The following CHST15 variants were observed in gnomAD, a reference collection of about 807,000 sequenced individuals.
CHST15 encodes B cell RAG associated protein (GALNAC4S-6ST).
CHST15 carries 30 observed loss-of-function variants against 53.6 expected under a neutral mutation model. That is an observed-to-expected ratio of 0.56 (90% CI 0.42 to 0.76). The LOEUF (loss-of-function observed/expected upper bound fraction) is 0.76. Among genes scored for constraint, CHST15 ranks in the 30% least tolerant of loss-of-function variants. The probability of loss-of-function intolerance (pLI) is 0.00; values close to 1 mark genes in which losing one functional copy is unlikely to be tolerated. For missense variants in CHST15, 627 were observed against 740.5 expected, an observed-to-expected ratio of 0.85 and a Z score of 1.78; for synonymous variants, 296 against 289.8, an observed-to-expected ratio of 1.02 and a Z score of -0.22.
intron 5 of CHST15, among the ~76,000 whole-genome samples, chr10:124,023,941 T>C (rs1421628008): frequency 6.6e-6 from 1 of 152,042 alleles, no homozygotes; most frequent in Non-Finnish European, 1.5e-5. Flanking sequence ...CCTCCCGGGT[T>C]CAAGCAATTC....
At chr10:124,067,825 C>T (rs1286300694) in intron 1 of CHST15, among the ~76,000 whole-genome samples, 1 of 152,114 alleles carries the variant, frequency 6.6e-6, no homozygotes, top group Non-Finnish European at 1.5e-5. Context: ...CCATGTTGGC[C>T]AGGCTGGTCT....
In CHST15 at chr10:124,063,016, C is replaced by T. The variant is rs113514828; in HGVS notation, c.-512-16292G>A. 4.3e-3 allele frequency among the ~76,000 whole-genome samples: 651 copies of T among 152,128 alleles called. 6 individuals carry two copies. The highest frequency in any genetic ancestry group is 0.015 in the African/African-American group (625 of 41,478). Reference sequence around the variant, plus strand: ...GAGCCCTTCTCCACCCTGATGTGGCCATGAAAACGCTGGTCCCACCAAGAC... The same window carrying T: ...GAGCCCTTCTCCACCCTGATGTGGCTATGAAAACGCTGGTCCCACCAAGAC... On this transcript the variant is annotated intron_variant, in intron 1 of 7. Coordinates refer to ENST00000435907, the MANE Select transcript of CHST15 (RefSeq NM_001270764.2).
chr10:124,071,724 A>G (rs1948920226), intron 1 of CHST15, among the ~76,000 whole-genome samples: 1 of 152,208 alleles, frequency 6.6e-6, no homozygotes, highest in Non-Finnish European at 1.5e-5. Flanking sequence ...CTGTATCTAG[A>G]TTTCATAAGA....
Position 124,008,385 on chromosome 10 carries a change from A to G in CHST15, c.*1764T>C, listed in dbSNP as rs1197248917. ...CGCGCACTGTACTGCAAATAAATAT[A>G]CACACACACTGAAGTGATCTCTCCC... On this transcript the variant is annotated 3_prime_UTR_variant, in exon 8 of 8. Coordinates refer to ENST00000435907, the MANE Select transcript of CHST15 (RefSeq NM_001270764.2). 2.0e-6 allele frequency: 2 copies of G among 1,006,454 alleles called. No individual in the cohort carries two copies. The highest frequency in any genetic ancestry group is 2.4e-6 in the Non-Finnish European group (2 of 844,202). 62.3% of individuals were successfully genotyped at this position (1,006,454 alleles called of 1,614,324 possible).
chr10:124,011,547 T>A, intron 7 of CHST15: 2 of 985,454 alleles, frequency 2.0e-6, no homozygotes, highest in Non-Finnish European at 2.4e-6. Context: ...CAGGAGGCGT[T>A]CTGGGAAGGA....
chr10:124,044,098 G>A (rs1188095645), intron 3 of CHST15, among the ~76,000 whole-genome samples: 1 of 142,908 alleles, frequency 7.0e-6, no homozygotes, highest in Non-Finnish European at 1.5e-5. Context: ...CACAGAGCAG[G>A]GAACGGCACA....
intron 1 of CHST15, among the ~76,000 whole-genome samples, chr10:124,071,980 G>A (rs1267433386): frequency 1.3e-5 from 2 of 152,190 alleles, no homozygotes; most frequent in Non-Finnish European, 2.9e-5. Context: ...CGCTCCTGGA[G>A]CGTGAGATCT....
intron 1 of CHST15, among the ~76,000 whole-genome samples, chr10:124,073,671 G>C (rs1025001463): frequency 2.0e-5 from 3 of 152,226 alleles, no homozygotes; most frequent in Non-Finnish European, 4.4e-5. Flanking sequence ...GCAACCATTC[G>C]ACAGGCGCAT....
At chr10:124,045,112 C>CAAAAAAAAAAAAAAAAAAAAAAAAAAAAA (rs758243657) in intron 2 of CHST15, among the ~76,000 whole-genome samples, 193 bp from the exon 3 acceptor site, 23 of 33,786 alleles carry the variant, frequency 6.8e-4, no homozygotes, top group Admixed American at 2.4e-3. Context: ...CGCCGCCCCA[C>CAAAAAAAAAAAAAAAAAAAAAAAAAAAAA]AAAAAAAAAA....
chr10:124,021,244 G>C lies in CHST15; in HGVS notation c.1347+12C>G, dbSNP rs566278902. 5.9e-5 allele frequency: 92 copies of C among 1,570,352 alleles called. 1 individual carries two copies. Among genetic ancestry groups the C allele is most frequent in the Non-Finnish European group, 6.8e-5 (78 of 1,150,018 alleles). On this transcript the variant is annotated intron_variant, in intron 6 of 7. Transcript: ENST00000435907. Reference sequence around the variant, plus strand: ...GGCCAGCTCGGGGGGTACGGGGGGGGGGGGTACACACAGGCATGGCGTTGT... The same window carrying C: ...GGCCAGCTCGGGGGGTACGGGGGGGCGGGGTACACACAGGCATGGCGTTGT...
chr10:124,038,756 C>A, intron 4 of CHST15, 85 bp from the exon 5 acceptor site: 2 of 1,410,868 alleles, frequency 1.4e-6, no homozygotes, highest in Admixed American at 1.8e-5. Flanking sequence ...CCACACCTGG[C>A]CCCGATGCCT....
intron 6 of CHST15, chr10:124,020,821 T>C (rs1946751199): frequency 5.9e-6 from 7 of 1,187,704 alleles, no homozygotes; most frequent in Non-Finnish European, 6.3e-6. Context: ...ACAGAAAATG[T>C]TTTTCAATTG....
At position 124,034,648 on chromosome 10, in the gene CHST15, A is replaced by ACCCCTAACAGGGACCCCGGCTCTAC. The variant is rs1439193613; in HGVS notation, c.1190+3842_1190+3866dup. On this transcript the variant is annotated intron_variant, in intron 5 of 7. Transcript: ENST00000435907. Reference sequence around the variant, plus strand: ...CACCCCTGATAGGTACCCTGGCTCCACCCCTAACAGGGACCCCGGCTCTAC... The same window carrying ACCCCTAACAGGGACCCCGGCTCTAC: ...CACCCCTGATAGGTACCCTGGCTCCACCCCTAACAGGGACCCCGGCTCTACCCCCTAACAGGGACCCCGGCTCTAC... 6.7e-5 allele frequency among the ~76,000 whole-genome samples: 7 copies of ACCCCTAACAGGGACCCCGGCTCTAC among 104,714 alleles called. No individual in the cohort carries two copies. In the East Asian group the frequency reaches 1.0e-3, roughly 16 times the overall value. 68.7% of individuals were successfully genotyped at this position (104,714 alleles called of 152,430 possible).
intron 7 of CHST15, chr10:124,010,890 T>C: frequency 1.0e-6 from 1 of 985,444 alleles, no homozygotes; most frequent in African/African-American, 1.7e-5. Flanking sequence ...GAGCCCCCAC[T>C]GGCTGAACCT....
intron 5 of CHST15, among the ~76,000 whole-genome samples, chr10:124,029,165 A>AT (rs778888744): frequency 6.6e-6 from 1 of 152,004 alleles, no homozygotes; most frequent in South Asian, 2.1e-4. Flanking sequence ...ATGATTATAT[A>AT]TTTTTTTCCT....
chr10:124,086,990 C>G (rs752538541), intron 1 of CHST15, among the ~76,000 whole-genome samples: 6 of 152,202 alleles, frequency 3.9e-5, no homozygotes, highest in Non-Finnish European at 7.3e-5. Context: ...AAAAGAGCTT[C>G]CGTGTCACGG....
In CHST15 at chr10:124,074,314, C is replaced by T. The variant is rs572369983; in HGVS notation, c.-513+19155G>A. On this transcript the variant is annotated intron_variant, in intron 1 of 7. Coordinates refer to ENST00000435907, the MANE Select transcript of CHST15 (RefSeq NM_001270764.2). The surrounding 1 kb of genome is among the most constrained non-coding windows in gnomAD (Gnocchi z 4.4). Reference sequence around the variant, plus strand: ...AATTTCTCAAATCTCTCAGTAGAGACAGAAAATCAGCAAGTCCCTGGAACC... The same window carrying T: ...AATTTCTCAAATCTCTCAGTAGAGATAGAAAATCAGCAAGTCCCTGGAACC... 6.6e-6 allele frequency among the ~76,000 whole-genome samples: 1 copy of T among 152,146 alleles called. No individual in the cohort carries two copies. Among genetic ancestry groups the T allele is most frequent in the Non-Finnish European group, 1.5e-5 (1 of 68,038 alleles).
intron 1 of CHST15, among the ~76,000 whole-genome samples, chr10:124,088,972 T>C (rs758958935): frequency 1.3e-5 from 2 of 152,202 alleles, no homozygotes; most frequent in Non-Finnish European, 2.9e-5. Context: ...AGTGCTTTAT[T>C]TGAAAGGAGA....
chr10:124,026,945 G>A (rs992266459), intron 5 of CHST15, among the ~76,000 whole-genome samples: 5 of 152,158 alleles, frequency 3.3e-5, no homozygotes, highest in Admixed American at 6.5e-5. Context: ...AGGCTGGAGG[G>A]AAGGAGGGCT....
Sources: allele counts gnomAD v4.1 joint callset (sites outside exome capture counted in the v4.1 genomes callset), GRCh38; gene constraint gnomAD v4.1.1; non-coding constraint Gnocchi (gnomAD v3.1); transcripts MANE v1.5; gene names NCBI Gene and HGNC (gene_info 2026-07-23, HGNC 2026-07-21).